The following MTA3 variants were observed in gnomAD, a reference collection of about 807,000 sequenced individuals.
The protein encoded by MTA3 is metastasis associated 1 family member 3.
MTA3 carries 34 observed loss-of-function variants against 83.5 expected under a neutral mutation model. The ratio of observed to expected loss-of-function variants is 0.41; its 90% CI spans 0.31 to 0.54. The LOEUF is 0.54. Ranked by LOEUF, MTA3 falls within the 20% of genes least tolerant of loss-of-function variation. The pLI is 0.33. For synonymous variants in MTA3, 303 were observed against 252.7 expected (o/e 1.20, Z -1.89); for missense variants, 761 against 726.4 (o/e 1.05, Z -0.55).
chr2:42,539,577 CTTTTTT>C (rs34577240), intron 2 of MTA3, among the ~76,000 whole-genome samples: 2 of 96,662 alleles, frequency 2.1e-5, no homozygotes, highest in African/African-American at 8.1e-5. Context: ...AATTGTAAAG[CTTTTTT>C]TTTTTTTTTT....
At chr2:42,505,708 A>G (rs1674598012) in intron 2 of MTA3, among the ~76,000 whole-genome samples, 1 of 152,156 alleles carries the variant, frequency 6.6e-6, no homozygotes, top group Non-Finnish European at 1.5e-5. Context: ...ACTTCAGAAC[A>G]ACCAAGAGCA....
intron 16 of MTA3, among the ~76,000 whole-genome samples, chr2:42,751,737 A>C (rs1419752911): frequency 6.6e-6 from 1 of 152,212 alleles, no homozygotes; most frequent in Non-Finnish European, 1.5e-5. Flanking sequence ...CAGGCTAGAA[A>C]CTTGGGAAAC....
intron 6 of MTA3, among the ~76,000 whole-genome samples, chr2:42,645,493 C>T (rs531385578): frequency 1.3e-5 from 2 of 151,942 alleles, no homozygotes; most frequent in South Asian, 4.2e-4. Flanking sequence ...CCACTGCACT[C>T]CAGCTTGGGC....
intron 3 of MTA3, among the ~76,000 whole-genome samples, chr2:42,590,690 G>A (rs554175429): frequency 7.4e-5 from 11 of 148,182 alleles, no homozygotes; most frequent in South Asian, 4.3e-4. Flanking sequence ...GTGCGATCTC[G>A]GCTCACTGCA....
intron 2 of MTA3, among the ~76,000 whole-genome samples, chr2:42,528,697 C>T (rs1675828440): frequency 6.6e-6 from 1 of 152,190 alleles, no homozygotes; most frequent in Admixed American, 6.5e-5. Flanking sequence ...TCAGTTTCTT[C>T]ATTGATTTCA....
In MTA3 at chr2:42,647,908, G is replaced by A. The variant is rs527534588; in HGVS notation, c.499+3664G>A. 3.2e-4 allele frequency among the ~76,000 whole-genome samples: 48 copies of A among 152,168 alleles called. No homozygotes were observed. The South Asian group carries it at 8.3e-3, about 26-fold the overall frequency. On this transcript the variant is annotated intron_variant, in intron 6 of 16. Coordinates refer to ENST00000405094, the MANE Select transcript of MTA3 (RefSeq NM_001330442.2). Reference sequence around the variant, plus strand: ...GGCTGGAGTGCGGTGGCGTGATCTCGGCTCATTGCAACCTCCGCCTCCCAA... The same window carrying A: ...GGCTGGAGTGCGGTGGCGTGATCTCAGCTCATTGCAACCTCCGCCTCCCAA...
intron 16 of MTA3, among the ~76,000 whole-genome samples, chr2:42,734,617 T>A (rs1668484087): frequency 6.6e-6 from 1 of 152,110 alleles, no homozygotes. Flanking sequence ...TATTTTGTGG[T>A]CTTCTCTTCC....
intron 7 of MTA3, among the ~76,000 whole-genome samples, chr2:42,659,201 G>C (rs1171318324): frequency 6.6e-6 from 1 of 152,160 alleles, no homozygotes; most frequent in Non-Finnish European, 1.5e-5. Context: ...TATGTGTTAA[G>C]GTTAGGGTTT....
At chr2:42,571,159 A>G (rs1573007042) in intron 2 of MTA3, among the ~76,000 whole-genome samples, 1 of 151,834 alleles carries the variant, frequency 6.6e-6, no homozygotes, top group South Asian at 2.1e-4. Flanking sequence ...TTGGGAGGCC[A>G]AGGAGGGGGT....
At chr2:42,579,381 A>T (rs939018908) in intron 3 of MTA3, among the ~76,000 whole-genome samples, 181 bp downstream of exon 3, 1 of 149,392 alleles carries the variant, frequency 6.7e-6, no homozygotes, top group East Asian at 1.9e-4. Flanking sequence ...GTTTCAGTGT[A>T]TATGTGTATA....
chr2:42,495,706 A>G (rs1674099316), intron 2 of MTA3, among the ~76,000 whole-genome samples: 1 of 152,202 alleles, frequency 6.6e-6, no homozygotes, highest in African/African-American at 2.4e-5. Context: ...ATTGGATCCC[A>G]TAAGCAATGG....
At chr2:42,584,230 A>G (rs192580063) in intron 3 of MTA3, among the ~76,000 whole-genome samples, 2 of 152,284 alleles carry the variant, frequency 1.3e-5, no homozygotes, top group African/African-American at 4.8e-5. Context: ...TGGTGTTTCC[A>G]TCACTGTGTA....
chr2:42,616,874 C>T (rs1274024166), intron 4 of MTA3, among the ~76,000 whole-genome samples: 10 of 152,130 alleles, frequency 6.6e-5, no homozygotes, highest in African/African-American at 2.4e-4. Context: ...CGTGAGCCAT[C>T]GTGCCTAGCT....
intron 9 of MTA3, among the ~76,000 whole-genome samples, chr2:42,682,939 G>A (rs1692055515): frequency 6.6e-6 from 1 of 152,232 alleles, no homozygotes; most frequent in Non-Finnish European, 1.5e-5. Flanking sequence ...GGGCGTGGTG[G>A]CACGTGCCTG....
In MTA3 at chr2:42,694,374, C is replaced by T. The variant is rs575170830; in HGVS notation, c.892-1391C>T. Among the ~76,000 whole-genome samples the T allele has an allele frequency of 2.7e-4, 41 of 152,222 alleles. 1 individual carries two copies. The South Asian group carries it at 7.3e-3, about 27-fold the overall frequency. On this transcript the variant is annotated intron_variant, in intron 9 of 16. Coordinates refer to ENST00000405094, the MANE Select transcript of MTA3 (RefSeq NM_001330442.2). ...GTACCTAGGCTGTCTTCTAAGTTTA[C>T]GTAGGTCCTCAGAGCACTTCAGCCC...
At chr2:42,711,196 A>G (rs1361271300) in intron 14 of MTA3, among the ~76,000 whole-genome samples, 1 of 152,178 alleles carries the variant, frequency 6.6e-6, no homozygotes, top group Non-Finnish European at 1.5e-5. Flanking sequence ...TAGAAGAGAA[A>G]CCATCAGCAA....
At position 42,704,281 on chromosome 2, in the gene MTA3, G is replaced by C. The variant is rs1171504729; in HGVS notation, c.1113G>C (p.Gln371His). ...NGAVGTTFQP[Q>H]NPLLGRACES... ...CTGTGGGGACCACGTTCCAGCCTCAGAATCCTCTCTTAGGGAGAGCCTGTG... is the reference window on the plus strand; with the variant it reads ...CTGTGGGGACCACGTTCCAGCCTCACAATCCTCTCTTAGGGAGAGCCTGTG... The change falls in exon 12 of 17, where the codon CAG becomes CAC. Residue 371 changes from glutamine (Q) to histidine (H), a missense_variant. Gln to His is a conservative substitution (Grantham distance 24). Transcript: ENST00000405094. The C allele has an allele frequency of 1.9e-6, 3 of 1,613,982 alleles. No individual in the cohort carries two copies. The highest frequency in any genetic ancestry group is 2.2e-5 in the East Asian group (1 of 44,878).
chr2:42,643,844 C>G (rs1687920286), intron 5 of MTA3, among the ~76,000 whole-genome samples: 1 of 152,156 alleles, frequency 6.6e-6, no homozygotes, highest in Non-Finnish European at 1.5e-5. Context: ...TCTTGAAACT[C>G]TGCTTTAGAG....
At chr2:42,569,969 T>C in intron 1 of MTA3, 1 of 152,192 alleles carries the variant, frequency 6.6e-6, no homozygotes, top group Non-Finnish European at 1.5e-5. Flanking sequence ...TTTTTTTTTT[T>C]TTAAGTAGTG....
Sources: gnomAD v4.1 joint callset for allele counts (sites outside exome capture counted in the v4.1 genomes callset) on GRCh38, gnomAD v4.1.1 for gene constraint, MANE v1.5 for transcripts, NCBI Gene and HGNC (gene_info 2026-07-23, HGNC 2026-07-21) for gene names.